SYCP2: variants seen among roughly 807,000 people sequenced by gnomAD.
SYCP2 encodes the protein synaptonemal complex protein 2, also known as synaptonemal complex lateral element protein.
In SYCP2, 55 loss-of-function variants were observed where a neutral mutation model predicts 211.3. The ratio of observed to expected loss-of-function variants is 0.26; its 90% CI spans 0.21 to 0.33. SYCP2 has a LOEUF of 0.33. Ranked by LOEUF, SYCP2 falls within the 10% of genes least tolerant of loss-of-function variation. The pLI is 1.00. For synonymous variants in SYCP2, 570 were observed against 555.2 expected, an observed-to-expected ratio of 1.03 and a Z score of -0.37; for missense variants, 1,731 against 1,752.0, an observed-to-expected ratio of 0.99 and a Z score of 0.21.
At chr20:59,891,201 A>G (rs1013323879) in intron 24 of SYCP2, among the ~76,000 whole-genome samples, 4 of 152,006 alleles carry the variant, frequency 2.6e-5, no homozygotes, top group African/African-American at 9.7e-5. Context: ...AAATGAAAAT[A>G]AAAGCCTATA....
chr20:59,901,606 C>T (rs1008738101), intron 16 of SYCP2, 56 bp downstream of exon 16: 2 of 1,108,570 alleles, frequency 1.8e-6, no homozygotes, highest in East Asian at 5.0e-5. Flanking sequence ...CTTATAACGC[C>T]AAACTGTTTC....
intron 1 of SYCP2, among the ~76,000 whole-genome samples, chr20:59,932,621 G>C (rs538161475): frequency 1.1e-4 from 16 of 152,216 alleles, no homozygotes; most frequent in African/African-American, 3.6e-4. Context: ...TTGCAGTGAC[G>C]CGAGATCGCA....
At chr20:59,900,066 T>G (rs748979680) in intron 18 of SYCP2, 72 bp downstream of exon 18, 2 of 1,461,468 alleles carry the variant, frequency 1.4e-6, no homozygotes, top group South Asian at 2.3e-5. Flanking sequence ...AGATGCTTCT[T>G]TCAGTACTCA....
Position 59,915,545 on chromosome 20 carries a change from T to A in SYCP2, c.519A>T (p.Ile173=), listed in dbSNP as rs774859110. 6 of 1,595,486 alleles carry A rather than the reference T, an allele frequency of 3.8e-6. No homozygotes were observed. The highest frequency in any genetic ancestry group is 4.3e-6 in the Non-Finnish European group (5 of 1,164,032). Reference sequence around the variant, plus strand: ...TGTCAAGCATAGCATTCATTTTTTTTATAATCTAGAAAAGAAAAAAAGATA... The same window carrying A: ...TGTCAAGCATAGCATTCATTTTTTTAATAATCTAGAAAAGAAAAAAAGATA... ...RVNICIQQEI[I]KKMNAMLDKM... The change falls in exon 9 of 45, where the codon ATA becomes ATT. Residue 173 remains isoleucine (I), a synonymous_variant. Transcript: ENST00000357552.
chr20:59,911,975 TATA>T, intron 13 of SYCP2, 130 bp from the exon 14 acceptor site: 1 of 464,076 alleles, frequency 2.2e-6, no homozygotes, highest in Non-Finnish European at 3.9e-6. Context: ...AACAGACAAG[TATA>T]ATATTTAGAT....
At chr20:59,905,756 CT>C (rs2060202398) in intron 15 of SYCP2, among the ~76,000 whole-genome samples, 1 of 152,088 alleles carries the variant, frequency 6.6e-6, no homozygotes, top group Non-Finnish European at 1.5e-5. Flanking sequence ...AGACTTTTGG[CT>C]AACATTATAC....
intron 26 of SYCP2, among the ~76,000 whole-genome samples, chr20:59,884,277 G>A (rs1328452712): frequency 2.6e-5 from 4 of 151,794 alleles, no homozygotes; most frequent in Non-Finnish European, 5.9e-5. Flanking sequence ...ATGTAAAAGA[G>A]TCAAAAAGCT....
intron 44 of SYCP2, among the ~76,000 whole-genome samples, chr20:59,864,852 G>T (rs2059298376): frequency 6.6e-6 from 1 of 151,894 alleles, no homozygotes; most frequent in Admixed American, 6.6e-5. Flanking sequence ...TTTCATCTTT[G>T]AGAAAACTCC....
At chr20:59,916,692 C>G in intron 7 of SYCP2, 121 bp from the exon 8 acceptor site, 1 of 649,280 alleles carries the variant, frequency 1.5e-6, no homozygotes, top group Non-Finnish European at 2.7e-6. Flanking sequence ...ATAATCCTAG[C>G]ACTTTGGAAG....
At chr20:59,915,385 A>G in intron 9 of SYCP2, 80 bp downstream of exon 9, 1 of 1,084,654 alleles carries the variant, frequency 9.2e-7, no homozygotes, top group African/African-American at 1.6e-5. Flanking sequence ...TTCATTATTA[A>G]TGCAAACTCA....
At chr20:59,890,577 GGTAA>G (rs1406071101) in intron 24 of SYCP2, among the ~76,000 whole-genome samples, 1 of 150,566 alleles carries the variant, frequency 6.6e-6, no homozygotes, top group Non-Finnish European at 1.5e-5. Context: ...TAGGTAGGTA[GGTAA>G]GTAGGTAGGT....
At chr20:59,879,444 T>A (rs2059623758) in intron 31 of SYCP2, among the ~76,000 whole-genome samples, 6 of 152,062 alleles carry the variant, frequency 3.9e-5, no homozygotes, top group Middle Eastern at 6.8e-3. Flanking sequence ...AATCCTGAAA[T>A]AAAATGAAAG....
chr20:59,882,704 A>T (rs1291346028), intron 26 of SYCP2, among the ~76,000 whole-genome samples: 7 of 152,164 alleles, frequency 4.6e-5, no homozygotes, highest in Non-Finnish European at 1.0e-4. Flanking sequence ...GCATGTTTTC[A>T]CTCATAAGTG....
At position 59,900,867 on chromosome 20, in the gene SYCP2, C is replaced by T. The variant is rs138627586; in HGVS notation, c.1183-49G>A. 8.1e-4 allele frequency: 1,074 copies of T among 1,318,576 alleles called. 3 individuals carry two copies. The highest frequency in any genetic ancestry group is 1.1e-3 in the Non-Finnish European group (997 of 924,608). The allele number at this position is 1,318,576 out of a possible 1,614,324, so 81.7% of individuals were successfully genotyped here. A position where few individuals can be genotyped will look rare whatever the true frequency, so the allele number is the denominator to read the frequency against. ...GATGACATTTTCTTCATTTTCTTTC[C>T]ACTTTTTCATATGTCATTTTATTTC... On this transcript the variant is annotated intron_variant, in intron 16 of 44. Coordinates refer to ENST00000357552, the MANE Select transcript of SYCP2 (RefSeq NM_014258.4).
chr20:59,873,768 C>A, intron 35 of SYCP2, 88 bp downstream of exon 35: 1 of 1,150,788 alleles, frequency 8.7e-7, no homozygotes, highest in Non-Finnish European at 1.2e-6. Flanking sequence ...AATAGACAAG[C>A]AATGTGTATC....
At position 59,864,362 on chromosome 20, in the gene SYCP2, G is replaced by A. The variant is rs199637408; in HGVS notation, c.4542C>T (p.Arg1514=). ...DMLEEELLNV[R]RELMSVFMSH... ...ACATGAATACTGACATCAGTTCTCT[G>A]CGTACATTAAGAAGCTCCTCTTCTA... Residue 1514 remains arginine (R), a synonymous_variant, in exon 45 of 45, where the codon CGC becomes CGT. Coordinates refer to ENST00000357552, the MANE Select transcript of SYCP2 (RefSeq NM_014258.4). 5 of 1,603,592 alleles carry A rather than the reference G, an allele frequency of 3.1e-6. No individual in the cohort carries two copies. Among genetic ancestry groups the A allele is most frequent in the Middle Eastern group, 3.3e-4 (2 of 6,024 alleles).
At chr20:59,883,539 C>CTA (rs2059724885) in intron 26 of SYCP2, among the ~76,000 whole-genome samples, 1 of 151,592 alleles carries the variant, frequency 6.6e-6, no homozygotes, top group Non-Finnish European at 1.5e-5. Context: ...CTGAAATTTG[C>CTA]TATAACATGG....
intron 4 of SYCP2, among the ~76,000 whole-genome samples, chr20:59,920,959 A>C (rs142499185): frequency 5.4e-4 from 82 of 151,716 alleles, no homozygotes; most frequent in African/African-American, 1.9e-3. Context: ...AGAAGTAGGC[A>C]TTGCCTATGT....
Position 59,875,284 on chromosome 20 carries a change from T to C in SYCP2, c.3336A>G (p.Ile1112Met). ...AGTTATACTGACATCTCGTTACTTC[T>C]ATAGATGATGGACTGCCAGATAAAG... is the stretch of plus-strand genomic sequence containing the variant. ...PRSLSGSPSS[I>M]EVTRCIEKIT... Residue 1112 changes from isoleucine to methionine, a missense_variant, in exon 34 of 45, where the codon ATA becomes ATG. This residue lies in a region of SYCP2 where 1,387 missense variants were observed against 1,351.3 expected (regional missense o/e 1.03). Transcript: ENST00000357552. 1.2e-6 allele frequency: 2 copies of C among 1,607,338 alleles called. No homozygotes were observed. The highest frequency in any genetic ancestry group is 1.7e-6 in the Non-Finnish European group (2 of 1,176,082).
Sources: gnomAD v4.1 joint callset for allele counts (sites outside exome capture counted in the v4.1 genomes callset) on GRCh38, gnomAD v4.1.1 for gene constraint, gnomAD v4.1.1 regional missense constraint, MANE v1.5 for transcripts, NCBI Gene and HGNC (gene_info 2026-07-23, HGNC 2026-07-21) for gene names.